Variants in FHIT observed in about 807,000 individuals in gnomAD.
FHIT encodes the protein bis(5'-adenosyl)-triphosphatase.
Under a neutral mutation model 17.9 loss-of-function variants are expected in FHIT, and 19 were observed. That is an observed-to-expected ratio of 1.06 (90% CI 0.74 to 1.56). The LOEUF is 1.56. FHIT is among the 40% of genes most tolerant of loss of function. The pLI, the probability that FHIT is intolerant of heterozygous loss-of-function variation, is 0.00. For synonymous variants in FHIT, 81 were observed against 69.7 expected (o/e 1.16, Z -0.81); for missense variants, 248 against 189.2 (o/e 1.31, Z -1.82).
chr3:60,282,329 C>T (rs1466829628), intron 5 of FHIT, among the ~76,000 whole-genome samples: 1 of 152,084 alleles, frequency 6.6e-6, no homozygotes, highest in Non-Finnish European at 1.5e-5. Flanking sequence ...TAAAAGAACT[C>T]TTATGCCATA....
intron 5 of FHIT, among the ~76,000 whole-genome samples, chr3:60,533,412 G>T (rs552321546): frequency 6.6e-6 from 1 of 152,308 alleles, no homozygotes; most frequent in East Asian, 1.9e-4. Context: ...GCAAGAGCAG[G>T]TCTCGTCCAT....
At chr3:60,871,657 G>T (rs1433867148) in intron 3 of FHIT, among the ~76,000 whole-genome samples, 1 of 151,924 alleles carries the variant, frequency 6.6e-6, no homozygotes, top group African/African-American at 2.4e-5. Flanking sequence ...TTTCTGAAAT[G>T]GAGTCTTGCT....
At chr3:60,042,781 A>T (rs1230731903) in intron 5 of FHIT, among the ~76,000 whole-genome samples, 1 of 152,206 alleles carries the variant, frequency 6.6e-6, no homozygotes, top group African/African-American at 2.4e-5. Flanking sequence ...GTAAAAAAAA[A>T]AGATATTAAT....
intron 4 of FHIT, among the ~76,000 whole-genome samples, chr3:60,659,061 T>C (rs569218343): frequency 6.0e-4 from 91 of 151,856 alleles, no homozygotes; most frequent in African/African-American, 2.1e-3. Flanking sequence ...TTTTTTTGTT[T>C]TGTTTTGTTC....
At chr3:61,044,786 A>C (rs1392627814) in intron 2 of FHIT, among the ~76,000 whole-genome samples, 2 of 152,224 alleles carry the variant, frequency 1.3e-5, no homozygotes, top group Non-Finnish European at 2.9e-5. Context: ...CGGATCTCTC[A>C]GCAGAAACTC....
chr3:61,178,946 T>C (rs1318757145), intron 2 of FHIT, among the ~76,000 whole-genome samples: 2 of 151,206 alleles, frequency 1.3e-5, no homozygotes, highest in African/African-American at 4.9e-5. Flanking sequence ...GTTTCCAAAG[T>C]ATTTGTCCAC....
intron 5 of FHIT, among the ~76,000 whole-genome samples, chr3:60,530,403 T>A (rs139266976): frequency 1.3e-5 from 2 of 152,166 alleles, no homozygotes; most frequent in African/African-American, 4.8e-5. Flanking sequence ...TTTTTCTTCA[T>A]CCAATTTCAA....
At chr3:59,834,634 T>C (rs758569041) in intron 8 of FHIT, among the ~76,000 whole-genome samples, 4 of 152,132 alleles carry the variant, frequency 2.6e-5, no homozygotes, top group Non-Finnish European at 5.9e-5. Flanking sequence ...AAAGAGGAAG[T>C]TAGCTCTCTG....
At chr3:60,158,812 C>T (rs574322334) in intron 5 of FHIT, among the ~76,000 whole-genome samples, 2 of 152,206 alleles carry the variant, frequency 1.3e-5, no homozygotes, top group South Asian at 4.2e-4. Flanking sequence ...GCACCCTATG[C>T]AGAATGAATC....
chr3:59,753,469 A>C (rs1255328621), intron 8 of FHIT, among the ~76,000 whole-genome samples: 1 of 152,058 alleles, frequency 6.6e-6, no homozygotes, highest in Non-Finnish European at 1.5e-5. Flanking sequence ...GAAATGCTCA[A>C]TTTTCTCCCT....
intron 4 of FHIT, among the ~76,000 whole-genome samples, chr3:60,560,664 G>A (rs2036904110): frequency 6.6e-6 from 1 of 151,982 alleles, no homozygotes; most frequent in South Asian, 2.1e-4. Context: ...GGAGACTGAT[G>A]GGCAGACTGT....
chr3:60,198,164 T>G (rs1160714596), intron 5 of FHIT, among the ~76,000 whole-genome samples: 2 of 152,072 alleles, frequency 1.3e-5, no homozygotes, highest in East Asian at 3.9e-4. Flanking sequence ...AGAGTAGAGT[T>G]CTGAGACTCT....
intron 6 of FHIT, among the ~76,000 whole-genome samples, chr3:60,012,362 G>A (rs1450881679): frequency 1.4e-5 from 2 of 147,142 alleles, no homozygotes; most frequent in African/African-American, 5.1e-5. Context: ...TTGACCTCCT[G>A]GACTCAAGTG....
chr3:60,613,937 A>G (rs901053539), intron 4 of FHIT, among the ~76,000 whole-genome samples: 1 of 151,934 alleles, frequency 6.6e-6, no homozygotes, highest in African/African-American at 2.4e-5. Flanking sequence ...AGAGTATATC[A>G]GCTCAACAGG....
intron 4 of FHIT, among the ~76,000 whole-genome samples, chr3:60,682,697 A>C (rs1577064973): frequency 6.6e-6 from 1 of 152,348 alleles, no homozygotes; most frequent in East Asian, 1.9e-4. Flanking sequence ...TGTTGTTTTC[A>C]TGCCTGCCAA....
intron 4 of FHIT, among the ~76,000 whole-genome samples, chr3:60,717,553 C>T (rs1473693947): frequency 6.6e-6 from 1 of 152,116 alleles, no homozygotes; most frequent in Non-Finnish European, 1.5e-5. Flanking sequence ...CGAGCAGCAG[C>T]GCAGGTTGTA....
intron 2 of FHIT, among the ~76,000 whole-genome samples, chr3:61,077,559 C>T (rs1176530388): frequency 6.6e-6 from 1 of 152,112 alleles, no homozygotes; most frequent in Non-Finnish European, 1.5e-5. Flanking sequence ...ATCACCCCTA[C>T]TTCCTCCCCA....
intron 5 of FHIT, among the ~76,000 whole-genome samples, chr3:60,271,593 T>C (rs767071808): frequency 6.6e-6 from 1 of 152,202 alleles, no homozygotes; most frequent in Non-Finnish European, 1.5e-5. Context: ...TTAGTACTGC[T>C]GTCTCTATGC....
chr3:60,121,255 T>C (rs1705232694), intron 5 of FHIT, among the ~76,000 whole-genome samples: 1 of 152,142 alleles, frequency 6.6e-6, no homozygotes, highest in Non-Finnish European at 1.5e-5. Flanking sequence ...TTAATGCTAC[T>C]AAAGTAAAAT....
Sources: allele counts gnomAD v4.1 joint callset (sites outside exome capture counted in the v4.1 genomes callset), GRCh38; gene constraint gnomAD v4.1.1; transcripts MANE v1.5; gene names NCBI Gene and HGNC (gene_info 2026-07-23, HGNC 2026-07-21).